GLS: variants seen among roughly 807,000 people sequenced by gnomAD.
The protein encoded by GLS is glutaminase, also known as glutaminase kidney isoform, mitochondrial.
A neutral mutation model predicts 86.7 loss-of-function variants in GLS; 36 were observed. That is an observed-to-expected ratio of 0.42 (90% CI 0.32 to 0.55). The LOEUF (loss-of-function observed/expected upper bound fraction) is 0.55. Among genes scored for constraint, GLS ranks in the 20% least tolerant of loss-of-function variants. GLS has a pLI of 0.17. For missense variants in GLS, 528 were observed against 833.4 expected (o/e 0.63, Z 4.51); for synonymous variants, 317 against 305.9 (o/e 1.04, Z -0.38).
intron 3 of GLS, among the ~76,000 whole-genome samples, chr2:190,898,996 T>C (rs1487271762): frequency 6.6e-6 from 1 of 152,234 alleles, no homozygotes; most frequent in African/African-American, 2.4e-5. Flanking sequence ...TTTAAATTTG[T>C]TCAGCAGCTC....
intron 1 of GLS, among the ~76,000 whole-genome samples, chr2:190,889,680 T>G (rs991761621): frequency 4.6e-5 from 7 of 152,190 alleles, no homozygotes; most frequent in Non-Finnish European, 1.0e-4. Flanking sequence ...CAGATCCTAG[T>G]CTTCCCACCC....
At chr2:190,939,834 T>C (rs928356498) in intron 14 of GLS, among the ~76,000 whole-genome samples, 4 of 151,746 alleles carry the variant, frequency 2.6e-5, no homozygotes, top group African/African-American at 9.7e-5. Context: ...AGTTCTGTTG[T>C]TTTGTTCTTT....
At chr2:190,942,066 A>ATTTTTTT (rs1160472609) in intron 14 of GLS, among the ~76,000 whole-genome samples, 10 of 50,710 alleles carry the variant, frequency 2.0e-4, no homozygotes, top group South Asian at 9.4e-4. Flanking sequence ...AACTTTGAAG[A>ATTTTTTT]CTTTTTTTTT....
chr2:190,933,115 T>C, intron 14 of GLS: 1 of 920,710 alleles, frequency 1.1e-6, no homozygotes, highest in Non-Finnish European at 1.3e-6. Context: ...AGGAAAAATT[T>C]AAATTTTTTT....
intron 3 of GLS, 125 bp from the exon 4 acceptor site, chr2:190,900,439 A>T: frequency 2.1e-6 from 1 of 473,538 alleles, no homozygotes; most frequent in Non-Finnish European, 3.7e-6. Flanking sequence ...TAATTTATAG[A>T]ATTTAGTTGT....
At chr2:190,961,837 C>T (rs569133291) in intron 17 of GLS, among the ~76,000 whole-genome samples, 3 of 151,826 alleles carry the variant, frequency 2.0e-5, no homozygotes, top group Admixed American at 6.6e-5. Flanking sequence ...CTCCACTAAG[C>T]GGGTAAAAAG....
chr2:190,941,005 T>C (rs1199001628), intron 14 of GLS, among the ~76,000 whole-genome samples: 2 of 152,144 alleles, frequency 1.3e-5, no homozygotes, highest in Non-Finnish European at 2.9e-5. Context: ...CTAATTAAAT[T>C]TGATTGTGCA....
chr2:190,883,914 C>T (rs548642204), intron 1 of GLS, among the ~76,000 whole-genome samples: 13 of 152,192 alleles, frequency 8.5e-5, no homozygotes, highest in African/African-American at 3.1e-4. Flanking sequence ...GTTACTTTAC[C>T]TTTTTTTCAC....
chr2:190,893,704 G>T (rs1490619544), intron 1 of GLS, among the ~76,000 whole-genome samples: 3 of 152,094 alleles, frequency 2.0e-5, no homozygotes, highest in Non-Finnish European at 4.4e-5. Context: ...TCCTGCCTCA[G>T]CCTCCCAAGT....
rs757495943 is a variant in GLS, at chr2:190,965,140, A to ATCTT, written c.*2156_*2159dup. 3.3e-5 allele frequency: 5 copies of ATCTT among 152,642 alleles called. No homozygotes were observed. The East Asian group carries it at 9.6e-4, about 29-fold the overall frequency. 9.5% of individuals were successfully genotyped at this position (152,642 alleles called of 1,614,324 possible). A position where few individuals can be genotyped will look rare whatever the true frequency, so the allele number is the denominator to read the frequency against. ...CTGCTGCCGTCAGTAAACTCCAAAGATCTTTTTGTTTTGGCTTTAGTATCA... is the reference window on the plus strand; with the variant it reads ...CTGCTGCCGTCAGTAAACTCCAAAGATCTTTCTTTTTGTTTTGGCTTTAGTATCA... On this transcript the variant is annotated 3_prime_UTR_variant, in exon 18 of 18. Coordinates refer to ENST00000320717, the MANE Select transcript of GLS (RefSeq NM_014905.5). The surrounding 1 kb of genome is among the most constrained non-coding windows in gnomAD (Gnocchi z 5.0).
chr2:190,940,781 C>T (rs1467072455), intron 14 of GLS, among the ~76,000 whole-genome samples: 2 of 146,224 alleles, frequency 1.4e-5, no homozygotes, highest in Admixed American at 1.4e-4. Context: ...GAATTTTGTT[C>T]TCCTCATGTT....
At chr2:190,942,650 CA>C (rs1204209306) in intron 14 of GLS, among the ~76,000 whole-genome samples, 1 of 152,174 alleles carries the variant, frequency 6.6e-6, no homozygotes, top group Non-Finnish European at 1.5e-5. Flanking sequence ...AAAGCTGCTG[CA>C]TTAACTAAGA....
At chr2:190,893,480 A>T (rs1467110863) in intron 1 of GLS, among the ~76,000 whole-genome samples, 1 of 152,272 alleles carries the variant, frequency 6.6e-6, no homozygotes, top group Non-Finnish European at 1.5e-5. Flanking sequence ...TACCTCTGTC[A>T]TAAAATCCTT....
Position 190,910,311 on chromosome 2 carries a change from C to T in GLS, c.1028C>T (p.Ser343Leu). The change falls in exon 7 of 18, where the codon TCA becomes TTA. Residue 343 changes from serine (S) to leucine (L), a missense_variant. Physicochemically the swap from Ser to Leu is moderately radical, Grantham distance 145. Transcript: ENST00000320717. ...MVNAGAIVVT[S>L]LIKQGVNNAE... ...AATGCTGGAGCAATTGTTGTGACTT[C>T]ACTAATAAAGGTAAAATGTTGATGT... 1 of 1,562,072 alleles carries T rather than the reference C, an allele frequency of 6.4e-7. No individual in the cohort carries two copies. Among genetic ancestry groups the T allele is most frequent in the Non-Finnish European group, 8.8e-7 (1 of 1,140,744 alleles).
intron 5 of GLS, among the ~76,000 whole-genome samples, chr2:190,903,510 G>T (rs1403959276): frequency 6.6e-6 from 1 of 152,114 alleles, no homozygotes; most frequent in African/African-American, 2.4e-5. Flanking sequence ...AGCAAATTCC[G>T]GTAGGGAATG....
Position 190,930,353 on chromosome 2 carries a change from C to A in GLS, c.1426-84C>A. On this transcript the variant is annotated intron_variant, in intron 12 of 17. Coordinates refer to ENST00000320717, the MANE Select transcript of GLS (RefSeq NM_014905.5). This position sits in a 1 kb window ranked among gnomAD's most constrained non-coding sequence, Gnocchi z 5.0. ...GATTACAGGAGTGAGCCATGGTGCC[C>A]AGCCCCAGTTTCCCTATTGTTGAAC... The A allele has an allele frequency of 9.7e-7, 1 of 1,033,704 alleles. No individual in the cohort carries two copies. The highest frequency in any genetic ancestry group is 1.5e-6 in the Non-Finnish European group (1 of 669,554). 64.0% of individuals were successfully genotyped at this position (1,033,704 alleles called of 1,614,324 possible).
At chr2:190,933,297 G>T (rs1558987715) in intron 14 of GLS, 1 of 918,564 alleles carries the variant, frequency 1.1e-6, no homozygotes, top group Non-Finnish European at 1.3e-6. Flanking sequence ...GGCAATAGAA[G>T]GTACTTCTAT....
chr2:190,909,170 A>G (rs1689264158), intron 6 of GLS, among the ~76,000 whole-genome samples: 1 of 151,794 alleles, frequency 6.6e-6, no homozygotes, highest in Non-Finnish European at 1.5e-5. Context: ...ATACACCCAA[A>G]ATGTAGGATA....
In GLS at chr2:190,901,217, T is replaced by C. The variant is rs569004814; in HGVS notation, c.735+524T>C. On this transcript the variant is annotated intron_variant, in intron 4 of 17. Transcript: ENST00000320717. ...GACTCCCTTAAAACTTAACTACTTA[T>C]AACTACTGTTATAAGCGTTACCGAT... Among the ~76,000 whole-genome samples, 20 of 152,210 alleles carry C rather than the reference T, an allele frequency of 1.3e-4. No individual in the cohort carries two copies. The South Asian group carries it at 1.7e-3, about 13-fold the overall frequency.
Sources: gnomAD v4.1 joint callset for allele counts (sites outside exome capture counted in the v4.1 genomes callset) on GRCh38, gnomAD v4.1.1 for gene constraint, Gnocchi (gnomAD v3.1) non-coding constraint, MANE v1.5 for transcripts, NCBI Gene and HGNC (gene_info 2026-07-23, HGNC 2026-07-21) for gene names.